The following CDH4 variants were observed in gnomAD, a reference collection of about 807,000 sequenced individuals.
CDH4 encodes the protein cadherin 4.
A neutral mutation model predicts 86.0 loss-of-function variants in CDH4; 33 were observed. That is an observed-to-expected ratio of 0.38 (90% confidence interval 0.29 to 0.51). CDH4 has a LOEUF of 0.51. CDH4 is among the 20% of genes least tolerant of loss of function. The pLI, the probability that CDH4 is intolerant of heterozygous loss-of-function variation, is 0.86. For synonymous variants in CDH4, 555 were observed against 549.4 expected (o/e 1.01, Z -0.14); for missense variants, 1,114 against 1,307.4 (o/e 0.85, Z 2.28).
chr20:61,910,475 G>A lies in CDH4; in HGVS notation c.1242G>A (p.Thr414=), dbSNP rs141026097. ...TGGAGACCGTGGTCGCAAACCTCAC[G>A]GTGATGGACCGAGATCAGCCCCACT... ...NRVETVVANL[T]VMDRDQPHSP... is the part of the protein sequence containing the mutation. Residue 414 remains threonine (T), a synonymous_variant, in exon 9 of 16, where the codon ACG becomes ACA. Transcript: ENST00000614565. 3.5e-4 allele frequency: 564 copies of A among 1,613,954 alleles called. 6 individuals carry two copies. The East Asian group carries it at 0.011, about 32-fold the overall frequency.
At position 61,807,132 on chromosome 20, in the gene CDH4, C is replaced by G. The variant is rs2146040450; in HGVS notation, c.576+33950C>G. Among the ~76,000 whole-genome samples the G allele has an allele frequency of 6.6e-6, 1 of 152,372 alleles. No homozygotes were observed. The highest frequency in any genetic ancestry group is 2.1e-4 in the South Asian group (1 of 4,828). Reference sequence around the variant, plus strand: ...GCCCCGCAGCCCCGCCAGCCCCCAGCTGCAAGGCCAGTGGGGCAGGTGCCG... The same window carrying G: ...GCCCCGCAGCCCCGCCAGCCCCCAGGTGCAAGGCCAGTGGGGCAGGTGCCG... On this transcript the variant is annotated intron_variant, in intron 4 of 15. Coordinates refer to ENST00000614565, the MANE Select transcript of CDH4 (RefSeq NM_001794.5). This position sits in a 1 kb window ranked among gnomAD's most constrained non-coding sequence, Gnocchi z 4.5.
rs1325297103 is a variant in CDH4 at position 61,631,145 on chromosome 20, TGGGGATGCACA to T, written c.170-112412_170-112402del. ...GTGTCCAAGGTGTTCGAGCTGGGAC[TGGGGATGCACA>T]GGGGAAGCATAAGACAGCGTGGCTC... On this transcript the variant is annotated intron_variant, in intron 2 of 15. Transcript: ENST00000614565. Among the ~76,000 whole-genome samples the T allele has an allele frequency of 8.5e-5, 13 of 152,328 alleles. No individual in the cohort carries two copies. The East Asian group carries it at 2.3e-3, about 27-fold the overall frequency.
At chr20:61,407,708 C>A (rs1257809254) in intron 2 of CDH4, among the ~76,000 whole-genome samples, 1 of 152,144 alleles carries the variant, frequency 6.6e-6, no homozygotes, top group African/African-American at 2.4e-5. Context: ...GGACGCTGCC[C>A]AAGTGTGCAT....
chr20:61,782,166 G>A (rs1978581148), intron 4 of CDH4, among the ~76,000 whole-genome samples: 1 of 152,096 alleles, frequency 6.6e-6, no homozygotes, highest in Admixed American at 6.6e-5. Flanking sequence ...AAAATCAGCT[G>A]GGTGTGGTGG....
intron 8 of CDH4, among the ~76,000 whole-genome samples, chr20:61,900,787 T>C (rs1193762476): frequency 6.6e-6 from 1 of 152,194 alleles, no homozygotes; most frequent in Non-Finnish European, 1.5e-5. Context: ...CAAGCCTGGC[T>C]CCACAACTGA....
At chr20:61,793,115 A>C (rs111867848) in intron 4 of CDH4, among the ~76,000 whole-genome samples, 1 of 152,020 alleles carries the variant, frequency 6.6e-6, no homozygotes, top group East Asian at 1.9e-4. Flanking sequence ...AGCGCCTGCC[A>C]CTACGCCCAA....
intron 2 of CDH4, among the ~76,000 whole-genome samples, chr20:61,586,091 G>A (rs1381799259): frequency 6.6e-6 from 1 of 151,504 alleles, no homozygotes; most frequent in Non-Finnish European, 1.5e-5. Flanking sequence ...TGGTGATGAA[G>A]ATGATGGTGA....
intron 5 of CDH4, among the ~76,000 whole-genome samples, chr20:61,850,327 G>T (rs972031670): frequency 6.6e-6 from 1 of 152,226 alleles, no homozygotes; most frequent in African/African-American, 2.4e-5. Flanking sequence ...GCCTGGCCCT[G>T]AGCAAACGCA....
chr20:61,729,811 T>C (rs1026440246), intron 2 of CDH4, among the ~76,000 whole-genome samples: 1 of 152,178 alleles, frequency 6.6e-6, no homozygotes, highest in South Asian at 2.1e-4. Context: ...CAGCGTTGGA[T>C]GCATCAAGAA....
At chr20:61,603,334 G>T (rs1027378278) in intron 2 of CDH4, among the ~76,000 whole-genome samples, 4 of 152,158 alleles carry the variant, frequency 2.6e-5, no homozygotes, top group African/African-American at 9.7e-5. Context: ...TCCAAGGTGG[G>T]GCAACCAGGG....
intron 2 of CDH4, among the ~76,000 whole-genome samples, chr20:61,610,280 A>G (rs1268809374): frequency 6.6e-6 from 1 of 152,182 alleles, no homozygotes; most frequent in Non-Finnish European, 1.5e-5. Flanking sequence ...GGCTTATTTT[A>G]CATGAAATGA....
intron 4 of CDH4, among the ~76,000 whole-genome samples, chr20:61,821,176 C>T (rs1981008496): frequency 6.7e-6 from 1 of 150,142 alleles, no homozygotes; most frequent in Admixed American, 6.6e-5. Flanking sequence ...CAGCCCCCAC[C>T]CCAGCCCAGA....
At chr20:61,304,761 TTG>T (rs1249877529) in intron 2 of CDH4, among the ~76,000 whole-genome samples, 4 of 146,572 alleles carry the variant, frequency 2.7e-5, no homozygotes, top group African/African-American at 7.6e-5. Flanking sequence ...AGTGTGCATG[TTG>T]TGTGTGTGGG....
At chr20:61,860,073 G>A (rs1486264347) in intron 6 of CDH4, among the ~76,000 whole-genome samples, 1 of 152,264 alleles carries the variant, frequency 6.6e-6, no homozygotes. Flanking sequence ...TCAGGGGCAG[G>A]CGTCTATGTG....
intron 3 of CDH4, among the ~76,000 whole-genome samples, chr20:61,748,535 G>A (rs2088446861): frequency 6.6e-6 from 1 of 152,192 alleles, no homozygotes; most frequent in Non-Finnish European, 1.5e-5. Context: ...AAGTTGAGGT[G>A]AACACTCAGA....
chr20:61,518,585 TCATCCATC>T lies in CDH4; in HGVS notation c.170-224973_170-224966del, dbSNP rs1030589813. ...TATTTGTCATCTATCCATCCATATA[TCATCCATC>T]CATCATCATCCACTCATCCATCCAT... On this transcript the variant is annotated intron_variant, in intron 2 of 15. Transcript: ENST00000614565. The surrounding 1 kb of genome is among the most constrained non-coding windows in gnomAD (Gnocchi z 6.3). Among the ~76,000 whole-genome samples the T allele has an allele frequency of 6.6e-6, 1 of 151,840 alleles. No homozygotes were observed. Among genetic ancestry groups the T allele is most frequent in the African/African-American group, 2.4e-5 (1 of 41,314 alleles).
intron 2 of CDH4, among the ~76,000 whole-genome samples, chr20:61,547,224 G>GCC (rs1568887319): frequency 3.9e-4 from 24 of 62,254 alleles, no homozygotes; most frequent in South Asian, 1.6e-3. Flanking sequence ...TTTTTTTTTT[G>GCC]CCCCCTGAGA....
chr20:61,891,635 C>T (rs1252785727), intron 7 of CDH4, among the ~76,000 whole-genome samples: 2 of 152,216 alleles, frequency 1.3e-5, no homozygotes, highest in African/African-American at 2.4e-5. Flanking sequence ...GGCTGGAGGG[C>T]CCAGGAGCCA....
At chr20:61,805,019 C>A (rs1980048927) in intron 4 of CDH4, among the ~76,000 whole-genome samples, 1 of 152,214 alleles carries the variant, frequency 6.6e-6, no homozygotes, top group Non-Finnish European at 1.5e-5. Context: ...TCCACAGAAG[C>A]CCCAGCGCCA....
Sources: gnomAD v4.1 joint callset for allele counts (sites outside exome capture counted in the v4.1 genomes callset) on GRCh38, gnomAD v4.1.1 for gene constraint, Gnocchi (gnomAD v3.1) non-coding constraint, MANE v1.5 for transcripts, NCBI Gene and HGNC (gene_info 2026-07-23, HGNC 2026-07-21) for gene names.